The following MAGI2 variants were observed in gnomAD, a reference collection of about 807,000 sequenced individuals.
The protein encoded by MAGI2 is membrane associated guanylate kinase, WW and PDZ domain containing 2.
In MAGI2, 35 loss-of-function variants were observed where a neutral mutation model predicts 133.3. The ratio of observed to expected loss-of-function variants is 0.26; its 90% confidence interval spans 0.20 to 0.35. The LOEUF (loss-of-function observed/expected upper bound fraction) is 0.35, where lower values mean the gene tolerates loss of function less well. Among genes scored for constraint, MAGI2 ranks in the 10% least tolerant of loss-of-function variants. The pLI is 1.00. For missense variants in MAGI2, 1,636 were observed against 1,863.4 expected (o/e 0.88, Z 2.25); for synonymous variants, 729 against 710.6 (o/e 1.03, Z -0.41).
intron 1 of MAGI2, among the ~76,000 whole-genome samples, chr7:79,097,184 G>A (rs1817588581): frequency 6.6e-6 from 1 of 152,050 alleles, no homozygotes; most frequent in Non-Finnish European, 1.5e-5. Flanking sequence ...TATGATATAG[G>A]TATTACAGTT....
At chr7:79,391,575 G>C (rs1261013527) in intron 1 of MAGI2, among the ~76,000 whole-genome samples, 2 of 131,260 alleles carry the variant, frequency 1.5e-5, no homozygotes, top group Non-Finnish European at 3.2e-5. Flanking sequence ...ACACTTTACT[G>C]TAAGTTCCAG....
chr7:78,577,471 C>T (rs894643705), intron 3 of MAGI2, among the ~76,000 whole-genome samples: 5 of 152,202 alleles, frequency 3.3e-5, no homozygotes, highest in Middle Eastern at 3.4e-3. Context: ...AGAAATTATG[C>T]TGATTTTCAT....
At chr7:78,552,928 C>A (rs186306445) in intron 3 of MAGI2, among the ~76,000 whole-genome samples, 2 of 151,012 alleles carry the variant, frequency 1.3e-5, no homozygotes, top group African/African-American at 4.9e-5. Context: ...AACAAATTGC[C>A]CCCCCAAGGT....
chr7:78,990,726 TATAA>T (rs1404216507), intron 2 of MAGI2, among the ~76,000 whole-genome samples: 1 of 152,024 alleles, frequency 6.6e-6, no homozygotes, highest in African/African-American at 2.4e-5. Context: ...GATAAACAGA[TATAA>T]ATAAAAGCAT....
intron 9 of MAGI2, among the ~76,000 whole-genome samples, chr7:78,286,097 TTG>T (rs140005167): frequency 0.044 from 6,697 of 152,222 alleles, 210 homozygotes; most frequent in South Asian, 0.094. Context: ...TTAATATCCA[TTG>T]TGTGTGTGTG....
chr7:78,978,796 C>A (rs1286197754), intron 2 of MAGI2, among the ~76,000 whole-genome samples: 1 of 151,780 alleles, frequency 6.6e-6, no homozygotes, highest in Non-Finnish European at 1.5e-5. Context: ...GAAATAAGGG[C>A]AGTCTGAAAG....
chr7:78,512,266 G>GT (rs1200591334), intron 4 of MAGI2, among the ~76,000 whole-genome samples: 1 of 152,110 alleles, frequency 6.6e-6, no homozygotes, highest in Non-Finnish European at 1.5e-5. Flanking sequence ...GGGAGAAAAC[G>GT]TAAGTCTAGA....
intron 16 of MAGI2, among the ~76,000 whole-genome samples, chr7:78,157,463 A>G (rs17524499): frequency 0.15 from 22,199 of 152,170 alleles, 2,002 homozygotes; most frequent in Non-Finnish European, 0.2. Context: ...CATGGATTTT[A>G]TTTGCAATAG....
At chr7:78,692,310 T>C (rs1585102775) in intron 2 of MAGI2, among the ~76,000 whole-genome samples, 1 of 152,216 alleles carries the variant, frequency 6.6e-6, no homozygotes, top group East Asian at 1.9e-4. Flanking sequence ...GTATTTATAC[T>C]GCAGAAAGCA....
intron 6 of MAGI2, among the ~76,000 whole-genome samples, chr7:78,434,407 C>T (rs1800085557): frequency 6.6e-6 from 1 of 152,144 alleles, no homozygotes; most frequent in Admixed American, 6.6e-5. Flanking sequence ...AGATGACAGC[C>T]TGCTGGGATA....
intron 7 of MAGI2, among the ~76,000 whole-genome samples, chr7:78,367,748 A>G (rs891703987): frequency 6.6e-6 from 1 of 152,190 alleles, no homozygotes; most frequent in Admixed American, 6.5e-5. Flanking sequence ...AGGCTTAGAC[A>G]CAGTACAGTT....
rs555484166 is a variant in MAGI2, at chr7:78,941,810, C to T, written c.418+65280G>A. ...CTCATGCTTTTCCATTGTTAATAAACATGCTTATTAAAAAACACCTGTTTT... is the reference window on the plus strand; with the variant it reads ...CTCATGCTTTTCCATTGTTAATAAATATGCTTATTAAAAAACACCTGTTTT... On this transcript the variant is annotated intron_variant, in intron 2 of 21. Coordinates refer to ENST00000354212, the MANE Select transcript of MAGI2 (RefSeq NM_012301.4). Among the ~76,000 whole-genome samples the T allele has an allele frequency of 6.0e-5, 9 of 150,110 alleles. No individual in the cohort carries two copies. In the South Asian group the frequency reaches 1.7e-3, roughly 28 times the overall value.
At chr7:79,229,618 G>T (rs1442295657) in intron 1 of MAGI2, among the ~76,000 whole-genome samples, 2 of 152,160 alleles carry the variant, frequency 1.3e-5, no homozygotes, top group East Asian at 3.9e-4. Flanking sequence ...TAATGCATAT[G>T]AATCTGTGTT....
chr7:78,931,947 T>C (rs1484333667), intron 2 of MAGI2, among the ~76,000 whole-genome samples: 2 of 145,530 alleles, frequency 1.4e-5, no homozygotes, highest in Non-Finnish European at 3.0e-5. Flanking sequence ...ATGTCATAAG[T>C]GGAAAATTCC....
intron 1 of MAGI2, chr7:79,177,306 CAA>C (rs1826186976): frequency 6.6e-6 from 1 of 151,802 alleles, no homozygotes; most frequent in Admixed American, 6.6e-5. Flanking sequence ...TATGGTAAGA[CAA>C]AGTGAAAATA....
intron 12 of MAGI2, 146 bp downstream of exon 12, chr7:78,194,728 A>G (rs1828562820): frequency 3.7e-6 from 2 of 546,218 alleles, no homozygotes; most frequent in African/African-American, 1.9e-5. Flanking sequence ...GCTTTCTAAG[A>G]TAATTTTAGA....
chr7:79,376,829 T>G (rs1346471135), intron 1 of MAGI2, among the ~76,000 whole-genome samples: 1 of 150,426 alleles, frequency 6.6e-6, no homozygotes, highest in Non-Finnish European at 1.5e-5. Context: ...TGTGTGTGTG[T>G]GTGTGTGTGT....
intron 2 of MAGI2, among the ~76,000 whole-genome samples, chr7:78,926,878 G>A (rs1369952656): frequency 3.3e-5 from 5 of 151,480 alleles, no homozygotes; most frequent in Admixed American, 1.3e-4. Flanking sequence ...CATTCTGACT[G>A]TAATTCCTGG....
At chr7:78,093,159 A>G (rs1817385763) in intron 20 of MAGI2, among the ~76,000 whole-genome samples, 2 of 149,892 alleles carry the variant, frequency 1.3e-5, no homozygotes, top group Non-Finnish European at 3.0e-5. Flanking sequence ...AAAAAAAAAA[A>G]AAAGAAAGTA....
Sources: gnomAD v4.1 joint callset for allele counts (sites outside exome capture counted in the v4.1 genomes callset) on GRCh38, gnomAD v4.1.1 for gene constraint, MANE v1.5 for transcripts, NCBI Gene and HGNC (gene_info 2026-07-23, HGNC 2026-07-21) for gene names.